The following REV3L variants were observed in gnomAD, a reference collection of about 807,000 sequenced individuals.
REV3L encodes the protein REV3 like, DNA directed polymerase zeta catalytic subunit.
A neutral mutation model predicts 299.4 loss-of-function variants in REV3L; 69 were observed. That is an observed-to-expected ratio of 0.23 (90% CI 0.19 to 0.28). The LOEUF (loss-of-function observed/expected upper bound fraction) is 0.28. Among genes scored for constraint, REV3L ranks in the 10% least tolerant of loss-of-function variants. The pLI, the probability that REV3L is intolerant of heterozygous loss-of-function variation, is 1.00. For missense variants in REV3L, 3,128 were observed against 3,693.8 expected (o/e 0.85, Z 3.97); for synonymous variants, 1,238 against 1,271.4 (o/e 0.97, Z 0.56).
chr6:111,319,371 G>C (rs1312820240), intron 26 of REV3L, among the ~76,000 whole-genome samples: 1 of 152,088 alleles, frequency 6.6e-6, no homozygotes, highest in Non-Finnish European at 1.5e-5. Context: ...TGAGGCAGGA[G>C]AATGGCGTGA....
chr6:111,315,600 T>C (rs890327405), intron 26 of REV3L: 16 of 524,284 alleles, frequency 3.1e-5, no homozygotes, highest in African/African-American at 2.9e-4. Flanking sequence ...CCAATATTTC[T>C]AACACACAGA....
intron 22 of REV3L, among the ~76,000 whole-genome samples, chr6:111,334,095 T>C (rs1775674148): frequency 6.6e-6 from 1 of 152,122 alleles, no homozygotes. Context: ...TGTGCCATCA[T>C]GCCCAGCTAA....
intron 30 of REV3L, 45 bp from the exon 31 acceptor site, chr6:111,307,615 G>A: frequency 6.4e-7 from 1 of 1,561,930 alleles, no homozygotes; most frequent in South Asian, 1.1e-5. Flanking sequence ...CAGCTTCACA[G>A]CAAAGCTGCT....
rs201360686 is a variant in REV3L, at chr6:111,307,550, G to A, written c.9063C>T (p.Ser3021=). The change falls in exon 31 of 32, where the codon TCC becomes TCT. Residue 3021 remains serine, a synonymous_variant. Coordinates refer to ENST00000368802, the MANE Select transcript of REV3L (RefSeq NM_001372078.1). ...ELPRIHKATS[S]SRSEPEGRKG... is the part of the protein sequence containing the mutation. ...TCCGCCCTTCAGGTTCACTTCGCGA[G>A]GAGCTGGTAGCTTTATGGATCTATA... 1.2e-5 allele frequency: 19 copies of A among 1,614,216 alleles called. No individual in the cohort carries two copies. The Admixed American group carries it at 2.3e-4, about 20-fold the overall frequency.
Position 111,333,086 on chromosome 6 carries a change from C to G in REV3L, c.7925+37G>C, listed in dbSNP as rs376557236. Reference sequence around the variant, plus strand: ...TCTAATTTTAGTAAGAAGTACAAAGCACAACAATATTATTGTAAATGTGAA... The same window carrying G: ...TCTAATTTTAGTAAGAAGTACAAAGGACAACAATATTATTGTAAATGTGAA... On this transcript the variant is annotated intron_variant, in intron 23 of 31. Coordinates refer to ENST00000368802, the MANE Select transcript of REV3L (RefSeq NM_001372078.1). 24 of 1,605,386 alleles carry G rather than the reference C, an allele frequency of 1.5e-5. No homozygotes were observed. The African/African-American group carries it at 3.1e-4, about 21-fold the overall frequency.
At chr6:111,456,959 A>AT (rs1233227278) in intron 1 of REV3L, among the ~76,000 whole-genome samples, 2 of 152,120 alleles carry the variant, frequency 1.3e-5, no homozygotes, top group African/African-American at 4.8e-5. Flanking sequence ...ACACTTTGAT[A>AT]TTTCTAAGTT....
At position 111,381,430 on chromosome 6, in the gene REV3L, T is replaced by G; in HGVS notation, c.1111A>C (p.Lys371Gln). 1 of 1,610,614 alleles carries G rather than the reference T, an allele frequency of 6.2e-7. No individual in the cohort carries two copies. Among genetic ancestry groups the G allele is most frequent in the Non-Finnish European group, 8.5e-7 (1 of 1,178,990 alleles). Reference sequence around the variant, plus strand: ...TCATTAATAAGAGCTTCTTCCACTTTGTGTCTAGTGTGACCTTAATTTGAC... The same window carrying G: ...TCATTAATAAGAGCTTCTTCCACTTGGTGTCTAGTGTGACCTTAATTTGAC... ...KESSKGHTRH[K>Q]VEEALINEEA... Residue 371 changes from lysine to glutamine, a missense_variant, in exon 10 of 32, where the codon AAA becomes CAA. Lys to Gln is a moderately conservative substitution (Grantham distance 53, BLOSUM62 1). Coordinates refer to ENST00000368802, the MANE Select transcript of REV3L (RefSeq NM_001372078.1).
intron 1 of REV3L, among the ~76,000 whole-genome samples, chr6:111,473,279 T>G (rs80354920): frequency 0.11 from 16,331 of 151,838 alleles, 1,165 homozygotes; most frequent in Middle Eastern, 0.21. Flanking sequence ...CAGACTGGTC[T>G]CAAAATCCTG....
At chr6:111,420,805 T>C (rs1429452878) in intron 1 of REV3L, among the ~76,000 whole-genome samples, 1 of 152,174 alleles carries the variant, frequency 6.6e-6, no homozygotes, top group East Asian at 1.9e-4. Context: ...AGTATGTGGG[T>C]GCTCTGAATT....
Position 111,300,168 on chromosome 6 carries a change from A to G in REV3L, c.9253-12T>C, listed in dbSNP as rs761412634. 8 of 1,550,584 alleles carry G rather than the reference A, an allele frequency of 5.2e-6. No homozygotes were observed. In the South Asian group the frequency reaches 8.7e-5, roughly 17 times the overall value. On this transcript the variant is annotated splice_polypyrimidine_tract_variant and intron_variant, in intron 31 of 31. Coordinates refer to ENST00000368802, the MANE Select transcript of REV3L (RefSeq NM_001372078.1). The stretch of plus-strand genomic sequence containing the variant: ...CAGTTCTTGCATATCTGAAAGCATA[A>G]GAGAAATACAAAAAATAATAGGAAA...
chr6:111,309,038 G>A (rs552820312), intron 30 of REV3L, among the ~76,000 whole-genome samples: 6 of 152,224 alleles, frequency 3.9e-5, no homozygotes, highest in Non-Finnish European at 8.8e-5. Context: ...ACACAGACGG[G>A]CAGGTTGTGG....
At position 111,373,619 on chromosome 6, in the gene REV3L, G is replaced by T. The variant is rs1354832953; in HGVS notation, c.4736C>A (p.Ser1579Tyr). 1.2e-6 allele frequency: 2 copies of T among 1,614,004 alleles called. No homozygotes were observed. The highest frequency in any genetic ancestry group is 1.7e-6 in the Non-Finnish European group (2 of 1,180,018). The stretch of plus-strand genomic sequence containing the variant: ...TCTGGGAGTTCGAGGTTTTCTTGGG[G>T]ACGTTACCGATCGTGTCCGTTTATT... ...KANKRTRSVT[S>Y]PRKPRTPRST... Residue 1579 changes from serine to tyrosine, a missense_variant, in exon 13 of 32, where the codon TCC becomes TAC. Coordinates refer to ENST00000368802, the MANE Select transcript of REV3L (RefSeq NM_001372078.1).
chr6:111,449,463 C>T (rs1490854592), intron 1 of REV3L, among the ~76,000 whole-genome samples: 1 of 152,142 alleles, frequency 6.6e-6, no homozygotes, highest in Non-Finnish European at 1.5e-5. Context: ...AGTATCAGCA[C>T]GTGCTTTGTG....
At chr6:111,468,550 A>C (rs949496325) in intron 1 of REV3L, among the ~76,000 whole-genome samples, 2 of 152,214 alleles carry the variant, frequency 1.3e-5, no homozygotes, top group Non-Finnish European at 2.9e-5. Flanking sequence ...TCATAATAAA[A>C]GGAATGCAAA....
chr6:111,420,886 A>C (rs969265201), intron 1 of REV3L, among the ~76,000 whole-genome samples: 2 of 152,198 alleles, frequency 1.3e-5, no homozygotes, highest in African/African-American at 4.8e-5. Context: ...TCACGCCTGT[A>C]ATCCCAGCAC....
intron 9 of REV3L, among the ~76,000 whole-genome samples, chr6:111,386,280 G>C (rs1299440955): frequency 6.6e-6 from 1 of 152,116 alleles, no homozygotes; most frequent in Non-Finnish European, 1.5e-5. Flanking sequence ...TCTTAAAATG[G>C]AACAGTCATC....
At chr6:111,459,310 A>G (rs1312347674) in intron 1 of REV3L, among the ~76,000 whole-genome samples, 2 of 152,138 alleles carry the variant, frequency 1.3e-5, no homozygotes, top group African/African-American at 4.8e-5. Flanking sequence ...TAACTGTAAG[A>G]CCTAAAACTA....
intron 7 of REV3L, 67 bp downstream of exon 7, chr6:111,389,039 C>G (rs1781633536): frequency 8.4e-7 from 1 of 1,192,150 alleles, no homozygotes; most frequent in Non-Finnish European, 1.2e-6. Context: ...AGGAACAACT[C>G]AATGACAAAC....
intron 1 of REV3L, among the ~76,000 whole-genome samples, chr6:111,438,014 A>ATTTTTT (rs113741430): frequency 6.8e-6 from 1 of 146,664 alleles, no homozygotes; most frequent in Non-Finnish European, 1.5e-5. Context: ...CACCTGCCTA[A>ATTTTTT]TTTTTTTTTT....
Sources: allele counts gnomAD v4.1 joint callset (sites outside exome capture counted in the v4.1 genomes callset), GRCh38; gene constraint gnomAD v4.1.1; transcripts MANE v1.5; gene names NCBI Gene and HGNC (gene_info 2026-07-23, HGNC 2026-07-21).